The following MYO18A variants were observed in gnomAD, a reference collection of about 807,000 sequenced individuals.
The protein encoded by MYO18A is myosin XVIIIA.
MYO18A carries 78 observed loss-of-function variants against 235.8 expected under a neutral mutation model. That is an observed-to-expected ratio of 0.33 (90% CI 0.28 to 0.40). The LOEUF (loss-of-function observed/expected upper bound fraction) is 0.40, where lower values mean the gene tolerates loss of function less well. Ranked by LOEUF, MYO18A falls within the 10% of genes least tolerant of loss-of-function variation. The pLI is 1.00. For missense variants in MYO18A, 2,215 were observed against 2,699.3 expected (o/e 0.82, Z 3.98); for synonymous variants, 977 against 1,077.8 (o/e 0.91, Z 1.83).
chr17:29,140,620 G>GT lies in MYO18A; in HGVS notation c.1000-18368dup, dbSNP rs1388943277. The stretch of plus-strand genomic sequence containing the variant: ...GCCATTGGGGTGGGGGGCAGGCAGT[G>GT]TTAGGGGGTTAGGGCAAGGACAGGG... On this transcript the variant is annotated intron_variant, in intron 2 of 41. Transcript: ENST00000527372. The surrounding 1 kb of genome is among the most constrained non-coding windows in gnomAD (Gnocchi z 4.2). The GT allele has an allele frequency of 4.6e-6, 1 of 215,666 alleles. No homozygotes were observed. Among genetic ancestry groups the GT allele is most frequent in the African/African-American group, 2.4e-5 (1 of 42,236 alleles). The allele number at this position is 215,666 out of a possible 1,614,324, so 13.4% of individuals were successfully genotyped here.
In MYO18A at chr17:29,111,569, G is replaced by C. The variant is rs754885257; in HGVS notation, c.2755C>G (p.Leu919Val). Reference sequence around the variant, plus strand: ...AAGTGGTGTGGTTTGCTGCTGTGCAGAAGGGGGCTTTGGCCTGATGGTGGG... The same window carrying C: ...AAGTGGTGTGGTTTGCTGCTGTGCACAAGGGGGCTTTGGCCTGATGGTGGG... ...EGDKKGQSPLLHSSKPHHFLL... is the reference protein window; with the variant it reads ...EGDKKGQSPLVHSSKPHHFLL... Residue 919 changes from leucine to valine, a missense_variant, in exon 17 of 42, where the codon CTG becomes GTG. Physicochemically the swap from Leu to Val is conservative, Grantham distance 32. Transcript: ENST00000527372. This position sits in a 1 kb window ranked among gnomAD's most constrained non-coding sequence, Gnocchi z 5.1. 33 of 1,613,774 alleles carry C rather than the reference G, an allele frequency of 2.0e-5. No homozygotes were observed. In the Admixed American group the frequency reaches 4.7e-4, roughly 23 times the overall value.
chr17:29,152,732 T>G (rs2067985685), intron 2 of MYO18A, among the ~76,000 whole-genome samples: 1 of 150,956 alleles, frequency 6.6e-6, no homozygotes. Flanking sequence ...CACTTCTTCT[T>G]TTTTTTTTAA....
intron 30 of MYO18A, 140 bp from the exon 31 acceptor site, chr17:29,094,230 C>T: frequency 1.5e-6 from 1 of 650,010 alleles, no homozygotes; most frequent in Non-Finnish European, 2.7e-6. Context: ...GCTCCCGTGG[C>T]AGCAGCTTCT....
intron 19 of MYO18A, among the ~76,000 whole-genome samples, chr17:29,108,171 T>C (rs1598314747): frequency 6.6e-6 from 1 of 151,998 alleles, no homozygotes; most frequent in Non-Finnish European, 1.5e-5. Context: ...ACACTCCTTT[T>C]CCCCCTCTGT....
chr17:29,116,460 A>T lies in MYO18A; in HGVS notation c.2039-5T>A. 6.2e-7 allele frequency: 1 copy of T among 1,614,044 alleles called. No homozygotes were observed. The highest frequency in any genetic ancestry group is 1.1e-5 in the South Asian group (1 of 91,090). The stretch of plus-strand genomic sequence containing the variant: ...AGGTTTTACCTTCAGCAGCTTCTGT[A>T]AGGCAAAGGACCAGCATGCAGCATG... On this transcript the variant is annotated splice_region_variant and splice_polypyrimidine_tract_variant and intron_variant, in intron 10 of 41. Coordinates refer to ENST00000527372, the MANE Select transcript of MYO18A (RefSeq NM_078471.4).
chr17:29,090,561 T>A lies in MYO18A; in HGVS notation c.5359A>T (p.Asn1787Tyr). ...TCCTGCAGCTCCTGCTTCTCTTTGT[T>A]GGCTTCTTCTAGCTGAGCTTGGAGA... is the stretch of plus-strand genomic sequence containing the variant. ...NDLQAQLEEA[N>Y]KEKQELQEKL... is the part of the protein sequence containing the mutation. Residue 1787 changes from asparagine (N) to tyrosine (Y), a missense_variant, in exon 36 of 42, where the codon AAC becomes TAC. Coordinates refer to ENST00000527372, the MANE Select transcript of MYO18A (RefSeq NM_078471.4). 1 of 1,598,776 alleles carries A rather than the reference T, an allele frequency of 6.3e-7. No individual in the cohort carries two copies. The highest frequency in any genetic ancestry group is 2.2e-5 in the East Asian group (1 of 44,566).
intron 2 of MYO18A, among the ~76,000 whole-genome samples, chr17:29,141,845 G>A (rs1344127459): frequency 2.0e-5 from 3 of 152,186 alleles, no homozygotes; most frequent in Non-Finnish European, 4.4e-5. Flanking sequence ...GAAATCCACT[G>A]GGGAACTTGA....
Position 29,128,968 on chromosome 17 carries a change from C to T in MYO18A, c.1000-6715G>A, listed in dbSNP as rs989372342. On this transcript the variant is annotated intron_variant, in intron 2 of 41. Transcript: ENST00000527372. ...CAGCAGAGATGGAGCATGGACACAGCAGAGATGGAGCATGGAGAGGTCAAA... is the reference window on the plus strand; with the variant it reads ...CAGCAGAGATGGAGCATGGACACAGTAGAGATGGAGCATGGAGAGGTCAAA... 3.6e-5 allele frequency: 38 copies of T among 1,060,394 alleles called. 1 individual carries two copies. Among genetic ancestry groups the T allele is most frequent in the Non-Finnish European group, 4.9e-5 (38 of 779,730 alleles). The allele number at this position is 1,060,394 out of a possible 1,614,324, so 65.7% of individuals were successfully genotyped here.
rs570928443 is a variant in MYO18A, at chr17:29,140,275, T to C, written c.1000-18022A>G. 8.9e-7 allele frequency: 1 copy of C among 1,125,378 alleles called. No individual in the cohort carries two copies. Among genetic ancestry groups the C allele is most frequent in the South Asian group, 1.6e-5 (1 of 64,208 alleles). The allele number at this position is 1,125,378 out of a possible 1,614,324, so 69.7% of individuals were successfully genotyped here. On this transcript the variant is annotated intron_variant, in intron 2 of 41. Coordinates refer to ENST00000527372, the MANE Select transcript of MYO18A (RefSeq NM_078471.4). The surrounding 1 kb of genome is among the most constrained non-coding windows in gnomAD (Gnocchi z 4.2). ...AATCACAAAAAGGTCCCTCCTTTCCTAAATGAGGAAATAGCATGAGGAGCC... is the reference window on the plus strand; with the variant it reads ...AATCACAAAAAGGTCCCTCCTTTCCCAAATGAGGAAATAGCATGAGGAGCC...
chr17:29,107,438 T>C (rs1243739211), intron 19 of MYO18A: 1 of 474,484 alleles, frequency 2.1e-6, no homozygotes, highest in Admixed American at 3.4e-5. Flanking sequence ...AACAGCCTCC[T>C]TCAGAGAGAA....
chr17:29,080,679 G>A (rs1392957729), intron 41 of MYO18A: 1 of 985,310 alleles, frequency 1.0e-6, no homozygotes, highest in Non-Finnish European at 1.2e-6. Context: ...CCGGTGCAGA[G>A]ACGGTGGAGG....
intron 2 of MYO18A, among the ~76,000 whole-genome samples, chr17:29,163,878 T>A (rs1176274299): frequency 6.6e-6 from 1 of 152,180 alleles, no homozygotes; most frequent in Non-Finnish European, 1.5e-5. Context: ...CATGGCAACA[T>A]GTTAGTCTTT....
intron 2 of MYO18A, among the ~76,000 whole-genome samples, chr17:29,157,929 G>C (rs1326236273): frequency 1.3e-5 from 2 of 152,158 alleles, no homozygotes; most frequent in Non-Finnish European, 2.9e-5. Flanking sequence ...AAGTAACTGG[G>C]ACTACAGGTG....
At chr17:29,165,875 C>G (rs1381406697) in intron 2 of MYO18A, 67 bp downstream of exon 2, 1 of 1,452,510 alleles carries the variant, frequency 6.9e-7, no homozygotes, top group Non-Finnish European at 9.4e-7. Context: ...CCCCGATTAC[C>G]CAGTCAAGCA....
At chr17:29,086,065 T>G (rs1332630086) in intron 39 of MYO18A, among the ~76,000 whole-genome samples, 1 of 152,030 alleles carries the variant, frequency 6.6e-6, no homozygotes, top group Non-Finnish European at 1.5e-5. Context: ...ATTCCCCGGG[T>G]GGGTTTTATG....
intron 11 of MYO18A, 139 bp from the exon 12 acceptor site, chr17:29,115,979 C>A: frequency 2.3e-6 from 2 of 869,602 alleles, no homozygotes; most frequent in Non-Finnish European, 3.5e-6. Context: ...TCAGGCAGAA[C>A]AGGGGCAGCC....
Position 29,120,561 on chromosome 17 carries a change from C to T in MYO18A, c.1728+55G>A, listed in dbSNP as rs953739465. 1.9e-6 allele frequency: 3 copies of T among 1,572,698 alleles called. No individual in the cohort carries two copies. Among genetic ancestry groups the T allele is most frequent in the Admixed American group, 3.7e-5 (2 of 54,594 alleles). ...ATGGGAGAGAGCCTGATGTCTAGGT[C>T]ATGAAATCATGTGGCCTGTGTCCTA... is the stretch of plus-strand genomic sequence containing the variant. On this transcript the variant is annotated intron_variant, in intron 7 of 41. Transcript: ENST00000527372. This position sits in a 1 kb window ranked among gnomAD's most constrained non-coding sequence, Gnocchi z 4.2.
At chr17:29,102,343 A>G (rs1435337443) in intron 21 of MYO18A, among the ~76,000 whole-genome samples, 2 of 152,222 alleles carry the variant, frequency 1.3e-5, no homozygotes, top group Non-Finnish European at 2.9e-5. Flanking sequence ...GAGAGGCAGG[A>G]ATCCTGGCGG....
chr17:29,091,127 G>C, intron 34 of MYO18A: 1 of 569,342 alleles, frequency 1.8e-6, no homozygotes, highest in Non-Finnish European at 3.1e-6. Context: ...GCTGTGTGCA[G>C]TACAGGCAGA....
Sources: allele counts gnomAD v4.1 joint callset (sites outside exome capture counted in the v4.1 genomes callset), GRCh38; gene constraint gnomAD v4.1.1; non-coding constraint Gnocchi (gnomAD v3.1); transcripts MANE v1.5; gene names NCBI Gene and HGNC (gene_info 2026-07-23, HGNC 2026-07-21).